CFAP299: variants seen among roughly 807,000 people sequenced by gnomAD.
CFAP299 encodes the protein cilia- and flagella-associated protein 299.
In CFAP299, 21 loss-of-function variants were observed where a neutral mutation model predicts 27.0. That is an observed-to-expected ratio of 0.78 (90% CI 0.55 to 1.12). The LOEUF (loss-of-function observed/expected upper bound fraction) is 1.12, where lower values mean the gene tolerates loss of function less well. Among genes scored for constraint, CFAP299 ranks in the 50% most tolerant of loss-of-function variants. CFAP299 has a pLI of 0.00. For missense variants in CFAP299, 310 were observed against 276.6 expected (o/e 1.12, Z -0.86); for synonymous variants, 104 against 98.1 (o/e 1.06, Z -0.36).
intron 3 of CFAP299, among the ~76,000 whole-genome samples, chr4:80,666,346 G>A (rs1741141631): frequency 6.6e-6 from 1 of 152,030 alleles, no homozygotes; most frequent in Admixed American, 6.6e-5. Flanking sequence ...ATCTCATGGT[G>A]AAGGCTCACA....
chr4:80,700,428 G>A (rs953775130), intron 3 of CFAP299, among the ~76,000 whole-genome samples: 5 of 152,026 alleles, frequency 3.3e-5, no homozygotes, highest in Non-Finnish European at 7.4e-5. Context: ...TGGGATGGTG[G>A]TGGTACCGCT....
chr4:80,358,031 T>A (rs1432412934), intron 1 of CFAP299, among the ~76,000 whole-genome samples: 7 of 152,138 alleles, frequency 4.6e-5, no homozygotes, highest in African/African-American at 1.4e-4. Flanking sequence ...GATTCTAGCA[T>A]ATTGTACCTT....
chr4:80,550,866 C>T (rs1734480006), intron 2 of CFAP299, among the ~76,000 whole-genome samples: 1 of 151,990 alleles, frequency 6.6e-6, no homozygotes, highest in East Asian at 1.9e-4. Context: ...ATATACCAAA[C>T]TATGCTATAA....
intron 5 of CFAP299, among the ~76,000 whole-genome samples, chr4:80,960,909 T>C (rs1408117889): frequency 1.3e-5 from 2 of 151,822 alleles, no homozygotes; most frequent in Non-Finnish European, 3.0e-5. Flanking sequence ...TTCTATAGGA[T>C]ATAAGCAAAA....
At chr4:80,412,394 TAAGC>T (rs958780274) in intron 2 of CFAP299, among the ~76,000 whole-genome samples, 1 of 152,036 alleles carries the variant, frequency 6.6e-6, no homozygotes, top group Admixed American at 6.6e-5. Context: ...GATAAAAAGA[TAAGC>T]AAGAAAAAGC....
In CFAP299 at chr4:80,390,693, G is replaced by GTATATATGTATACACACATATA. The variant is rs1560543423; in HGVS notation, c.242+27810_242+27811insATATATGTATACACACATATAT. ...TGTATACATGTATACACACATATAT[G>GTATATATGTATACACACATATA]TGTATATATGTATATATGTATACAC... On this transcript the variant is annotated intron_variant, in intron 2 of 5. Coordinates refer to ENST00000358105, the MANE Select transcript of CFAP299 (RefSeq NM_152770.3). Among the ~76,000 whole-genome samples, 5 of 93,826 alleles carry GTATATATGTATACACACATATA rather than the reference G, an allele frequency of 5.3e-5. No individual in the cohort carries two copies. In the East Asian group the frequency reaches 1.2e-3, roughly 22 times the overall value. The allele number at this position is 93,826 out of a possible 152,430, so 61.6% of individuals were successfully genotyped here.
intron 3 of CFAP299, among the ~76,000 whole-genome samples, chr4:80,593,577 CT>C (rs1269366727): frequency 2.0e-5 from 3 of 152,172 alleles, no homozygotes; most frequent in Admixed American, 1.3e-4. Context: ...TATCCACACT[CT>C]CCAGATATTG....
intron 4 of CFAP299, among the ~76,000 whole-genome samples, chr4:80,883,595 T>A (rs756953710): frequency 2.6e-5 from 4 of 151,914 alleles, no homozygotes; most frequent in Admixed American, 6.6e-5. Flanking sequence ...ATGAAAAAAA[T>A]GTTACATAAA....
At chr4:80,349,073 C>T (rs900062665) in intron 1 of CFAP299, among the ~76,000 whole-genome samples, 4 of 152,108 alleles carry the variant, frequency 2.6e-5, no homozygotes, top group Non-Finnish European at 4.4e-5. Flanking sequence ...CAGAATGAAA[C>T]GTCTGTCAGG....
At chr4:80,861,438 G>A (rs1732351641) in intron 3 of CFAP299, among the ~76,000 whole-genome samples, 1 of 152,102 alleles carries the variant, frequency 6.6e-6, no homozygotes, top group African/African-American at 2.4e-5. Flanking sequence ...CCACTGTCTG[G>A]CACTCCCTAG....
chr4:80,523,591 C>G (rs989672061), intron 2 of CFAP299, among the ~76,000 whole-genome samples: 1 of 152,060 alleles, frequency 6.6e-6, no homozygotes, highest in African/African-American at 2.4e-5. Flanking sequence ...AAGCATCATT[C>G]AATCCGTTGA....
At position 80,729,592 on chromosome 4, in the gene CFAP299, C is replaced by CTTT. The variant is rs34745276; in HGVS notation, c.334-140378_334-140376dup. On this transcript the variant is annotated intron_variant, in intron 3 of 5. Transcript: ENST00000358105. Reference sequence around the variant, plus strand: ...TTATAATTTTATGATGCTTCAGCATCTTTTTTTTTTTTTTTTTTTTTTTTT... The same window carrying CTTT: ...TTATAATTTTATGATGCTTCAGCATCTTTTTTTTTTTTTTTTTTTTTTTTTTTT... Among the ~76,000 whole-genome samples, 224 of 64,338 alleles carry CTTT rather than the reference C, an allele frequency of 3.5e-3. 1 individual carries two copies. The highest frequency in any genetic ancestry group is 4.4e-3 in the African/African-American group (76 of 17,214). 42.2% of individuals were successfully genotyped at this position (64,338 alleles called of 152,430 possible).
At chr4:80,469,622 T>A (rs1034303401) in intron 2 of CFAP299, among the ~76,000 whole-genome samples, 1 of 152,144 alleles carries the variant, frequency 6.6e-6, no homozygotes, top group African/African-American at 2.4e-5. Context: ...TCTGTGGGTC[T>A]CCAATTCAAA....
At chr4:80,758,915 T>C (rs1228972342) in intron 3 of CFAP299, among the ~76,000 whole-genome samples, 1 of 152,138 alleles carries the variant, frequency 6.6e-6, no homozygotes, top group Non-Finnish European at 1.5e-5. Flanking sequence ...CCTCTAAATA[T>C]TAAAATGGCA....
intron 2 of CFAP299, among the ~76,000 whole-genome samples, chr4:80,449,279 T>C (rs561840842): frequency 2.0e-5 from 3 of 151,678 alleles, no homozygotes; most frequent in Non-Finnish European, 4.4e-5. Context: ...CTAAAAATCT[T>C]AAGTTTTTCT....
chr4:80,429,237 G>C (rs1181806019), intron 2 of CFAP299, among the ~76,000 whole-genome samples: 1 of 152,142 alleles, frequency 6.6e-6, no homozygotes, highest in African/African-American at 2.4e-5. Context: ...TATTAGCCTT[G>C]TTGAAACAAT....
At chr4:80,393,063 T>A (rs895808494) in intron 2 of CFAP299, among the ~76,000 whole-genome samples, 3 of 152,172 alleles carry the variant, frequency 2.0e-5, no homozygotes, top group African/African-American at 7.2e-5. Flanking sequence ...ATATTGATGA[T>A]CCTGACCCTG....
At chr4:80,738,632 A>G (rs1578077019) in intron 3 of CFAP299, among the ~76,000 whole-genome samples, 1 of 146,208 alleles carries the variant, frequency 6.8e-6, no homozygotes, top group East Asian at 2.0e-4. Context: ...TAGGTGAATT[A>G]TGTTTCTTGT....
chr4:80,321,536 CCCCATG>C, the CFAP299 span, among the ~76,000 whole-genome samples: 2 of 152,160 alleles, frequency 1.3e-5, no homozygotes, highest in Non-Finnish European at 2.9e-5. Context: ...CCGCCACTGC[CCCCATG>C]CCCATGAAGG....
Sources: allele counts gnomAD v4.1 joint callset (sites outside exome capture counted in the v4.1 genomes callset), GRCh38; gene constraint gnomAD v4.1.1; transcripts MANE v1.5; gene names NCBI Gene and HGNC (gene_info 2026-07-23, HGNC 2026-07-21).